The following RP1 variants were observed in gnomAD, a reference collection of about 807,000 sequenced individuals.
The protein encoded by RP1 is oxygen-regulated protein 1.
In RP1, 16 loss-of-function variants were observed where a neutral mutation model predicts 14.8. That is an observed-to-expected ratio of 1.08 (90% CI 0.73 to 1.65). RP1 has a LOEUF of 1.65. Among genes scored for constraint, RP1 ranks in the 40% most tolerant of loss-of-function variants. The probability of loss-of-function intolerance (pLI) is 0.00; values close to 1 mark genes in which losing one functional copy is unlikely to be tolerated. For synonymous variants in RP1, 876 were observed against 883.6 expected, an observed-to-expected ratio of 0.99 and a Z score of 0.15; for missense variants, 2,631 against 2,535.0, an observed-to-expected ratio of 1.04 and a Z score of -0.81.
chr8:54,583,549 T>A (rs2129297695), intron 1 of RP1, among the ~76,000 whole-genome samples: 1 of 152,338 alleles, frequency 6.6e-6, no homozygotes, highest in Non-Finnish European at 1.5e-5. Context: ...CTTTTTCTAT[T>A]GATTGGAATA....
intron 15 of RP1, among the ~76,000 whole-genome samples, chr8:54,708,634 C>T (rs748422981): frequency 6.6e-6 from 1 of 152,124 alleles, no homozygotes; most frequent in African/African-American, 2.4e-5. Context: ...GCTGGGATTA[C>T]AGGCGTGAGC....
At chr8:54,781,159 G>T (rs577229628) in intron 23 of RP1, 2 of 455,276 alleles carry the variant, frequency 4.4e-6, no homozygotes, top group South Asian at 1.9e-4. Flanking sequence ...CCCAATTTAA[G>T]CTTGGAAAAG....
intron 19 of RP1, among the ~76,000 whole-genome samples, chr8:54,745,475 T>A (rs1268852988): frequency 6.6e-6 from 1 of 152,176 alleles, no homozygotes; most frequent in African/African-American, 2.4e-5. Context: ...GAATTTTAAG[T>A]TTCTAAGAAA....
At chr8:54,834,179 G>A (rs1482888935) in intron 24 of RP1, among the ~76,000 whole-genome samples, 1 of 151,902 alleles carries the variant, frequency 6.6e-6, no homozygotes, top group Non-Finnish European at 1.5e-5. Context: ...TAAGACAAGG[G>A]TATTTAAGGT....
intron 1 of RP1, among the ~76,000 whole-genome samples, chr8:54,583,156 TA>T (rs1227283406): frequency 1.4e-4 from 21 of 152,378 alleles, no homozygotes; most frequent in African/African-American, 4.8e-4. Context: ...TAGCTCTTAT[TA>T]TTTTGAGATA....
At chr8:54,676,937 T>C (rs1250722284) in intron 8 of RP1, among the ~76,000 whole-genome samples, 1 of 152,030 alleles carries the variant, frequency 6.6e-6, no homozygotes, top group Non-Finnish European at 1.5e-5. Context: ...TAAATAACAT[T>C]TTGGAGATTT....
chr8:54,739,110 G>T (rs908873752), intron 19 of RP1: 1 of 978,666 alleles, frequency 1.0e-6, no homozygotes, highest in Non-Finnish European at 1.5e-6. Context: ...CAGTGAAAAC[G>T]GTATTTTCCT....
chr8:54,851,279 A>G (rs1202433050), intron 25 of RP1, among the ~76,000 whole-genome samples: 2 of 152,128 alleles, frequency 1.3e-5, no homozygotes, highest in East Asian at 1.9e-4. Flanking sequence ...TGTGTTCTAA[A>G]TGCTTTTTTA....
chr8:54,634,046 C>A (rs185378469), downstream of RP1, among the ~76,000 whole-genome samples: 2 of 152,148 alleles, frequency 1.3e-5, no homozygotes, highest in Admixed American at 1.3e-4. Context: ...CAGATCTACC[C>A]TGAAAACAAA....
At chr8:54,863,358 T>C (rs186974624) in intron 27 of RP1, among the ~76,000 whole-genome samples, 67 of 152,294 alleles carry the variant, frequency 4.4e-4, no homozygotes, top group Non-Finnish European at 7.8e-4. Flanking sequence ...TAGTAGACGA[T>C]ACCATCTAGG....
chr8:54,806,736 C>A (rs1484068564), intron 24 of RP1, among the ~76,000 whole-genome samples: 1 of 152,084 alleles, frequency 6.6e-6, no homozygotes, highest in Non-Finnish European at 1.5e-5. Flanking sequence ...TATTTGCCTC[C>A]ATTTCTTTCT....
At chr8:54,562,698 A>G (rs1182998782) in intron 1 of RP1, among the ~76,000 whole-genome samples, 1 of 152,178 alleles carries the variant, frequency 6.6e-6, no homozygotes, top group Non-Finnish European at 1.5e-5. Flanking sequence ...TCTTTTAAGT[A>G]ATATTAGGAT....
chr8:54,620,445 G>A (rs1805827590), intron 1 of RP1, among the ~76,000 whole-genome samples: 1 of 152,234 alleles, frequency 6.6e-6, no homozygotes, highest in Non-Finnish European at 1.5e-5. Context: ...TATATCATCT[G>A]TTTGTGTAAG....
At chr8:54,688,303 G>A (rs565914409) in intron 12 of RP1, among the ~76,000 whole-genome samples, 1 of 152,260 alleles carries the variant, frequency 6.6e-6, no homozygotes, top group African/African-American at 2.4e-5. Context: ...CTGCACAGAA[G>A]CTCTTTAGTT....
chr8:54,838,653 G>A (rs539066350), intron 25 of RP1, among the ~76,000 whole-genome samples: 2 of 152,306 alleles, frequency 1.3e-5, no homozygotes, highest in African/African-American at 4.8e-5. Context: ...CTATGTATAT[G>A]TGTATACGTG....
intron 24 of RP1, among the ~76,000 whole-genome samples, chr8:54,836,360 A>G (rs770680269): frequency 2.0e-5 from 3 of 152,186 alleles, no homozygotes; most frequent in Admixed American, 6.5e-5. Flanking sequence ...GTTATGTTCC[A>G]TGGCAAATAG....
intron 12 of RP1, among the ~76,000 whole-genome samples, chr8:54,682,961 G>A (rs1807472298): frequency 6.6e-6 from 1 of 152,072 alleles, no homozygotes; most frequent in East Asian, 1.9e-4. Context: ...AATTCATCTT[G>A]AGTTAATTTG....
At chr8:54,745,021 T>C (rs1170399591) in intron 19 of RP1, among the ~76,000 whole-genome samples, 1 of 152,146 alleles carries the variant, frequency 6.6e-6, no homozygotes, top group Non-Finnish European at 1.5e-5. Context: ...AGAAAACAAT[T>C]GTACTCGTAT....
At chr8:54,650,956 T>G (rs1318162935) in intron 4 of RP1, among the ~76,000 whole-genome samples, 1 of 151,972 alleles carries the variant, frequency 6.6e-6, no homozygotes, top group Admixed American at 6.6e-5. Context: ...CTTTTCAATT[T>G]CTAGTTTGTT....
Sources: allele counts gnomAD v4.1 joint callset (sites outside exome capture counted in the v4.1 genomes callset), GRCh38; gene constraint gnomAD v4.1.1; transcripts MANE v1.5; gene names NCBI Gene and HGNC (gene_info 2026-07-23, HGNC 2026-07-21).